The following ODAD2 variants were observed in gnomAD, a reference collection of about 807,000 sequenced individuals.
ODAD2 encodes the protein outer dynein arm-docking complex subunit 2.
A neutral mutation model predicts 106.8 loss-of-function variants in ODAD2; 89 were observed. The ratio of observed to expected loss-of-function variants is 0.83; its 90% CI spans 0.70 to 0.99. The LOEUF is 0.99. ODAD2 is among the 50% of genes least tolerant of loss of function. ODAD2 has a pLI of 0.00. For synonymous variants in ODAD2, 404 were observed against 436.2 expected, an observed-to-expected ratio of 0.93 and a Z score of 0.92; for missense variants, 1,168 against 1,238.5, an observed-to-expected ratio of 0.94 and a Z score of 0.85.
chr10:27,829,766 C>A (rs1374408659), intron 19 of ODAD2, among the ~76,000 whole-genome samples: 1 of 152,050 alleles, frequency 6.6e-6, no homozygotes, highest in Non-Finnish European at 1.5e-5. Context: ...TATATAAGAA[C>A]TTCACATTTC....
At chr10:27,961,356 G>T (rs1278032350) in intron 10 of ODAD2, among the ~76,000 whole-genome samples, 1 of 152,178 alleles carries the variant, frequency 6.6e-6, no homozygotes. Flanking sequence ...GGGAGAGAGG[G>T]TTGGTACCAG....
intron 4 of ODAD2, among the ~76,000 whole-genome samples, chr10:27,984,717 T>C (rs1475895636): frequency 6.6e-6 from 1 of 152,164 alleles, no homozygotes. Flanking sequence ...CAATTTTTAA[T>C]TTTTAGAACT....
intron 9 of ODAD2, among the ~76,000 whole-genome samples, chr10:27,964,235 A>G (rs1490506560): frequency 6.6e-6 from 1 of 152,186 alleles, no homozygotes; most frequent in Admixed American, 6.6e-5. Context: ...AATAATAATA[A>G]CAATTTGAAC....
At chr10:27,981,354 A>C in intron 7 of ODAD2, 112 bp downstream of exon 7, 1 of 981,372 alleles carries the variant, frequency 1.0e-6, no homozygotes, top group Non-Finnish European at 1.4e-6. Context: ...AAAAACCACT[A>C]ATAATAAAAA....
intron 15 of ODAD2, among the ~76,000 whole-genome samples, chr10:27,936,424 G>A (rs971540874): frequency 5.3e-5 from 8 of 152,126 alleles, no homozygotes; most frequent in African/African-American, 1.7e-4. Context: ...CACCTTGATA[G>A]GTCCCCACAG....
intron 7 of ODAD2, among the ~76,000 whole-genome samples, chr10:27,977,519 A>C (rs1425110325): frequency 3.9e-5 from 6 of 152,050 alleles, no homozygotes; most frequent in Non-Finnish European, 7.4e-5. Flanking sequence ...ACGAGCCAAG[A>C]TCGATCATGC....
intron 9 of ODAD2, among the ~76,000 whole-genome samples, chr10:27,964,037 T>C (rs529087744): frequency 2.1e-4 from 32 of 152,176 alleles, no homozygotes; most frequent in South Asian, 4.2e-4. Context: ...GCCTAGCCAA[T>C]ATGGTGAAAC....
chr10:27,874,464 T>C (rs1841163770), intron 17 of ODAD2, among the ~76,000 whole-genome samples: 1 of 152,278 alleles, frequency 6.6e-6, no homozygotes, highest in African/African-American at 2.4e-5. Flanking sequence ...GGTCTTTACA[T>C]TTTGGCATGT....
At chr10:27,882,173 A>AAAAAAAG (rs1244028116) in intron 17 of ODAD2, among the ~76,000 whole-genome samples, 1 of 109,682 alleles carries the variant, frequency 9.1e-6, no homozygotes, top group African/African-American at 3.5e-5. Context: ...GTCATAAAAA[A>AAAAAAAG]AAAGAAAGAA....
At chr10:27,868,329 G>A (rs138088474) in intron 17 of ODAD2, among the ~76,000 whole-genome samples, 1,999 of 152,174 alleles carry the variant, frequency 0.013, 42 homozygotes, top group African/African-American at 0.045. Context: ...CATTACTTGG[G>A]TATATACCCA....
chr10:27,916,077 C>T (rs769547371), intron 16 of ODAD2, among the ~76,000 whole-genome samples: 16 of 152,090 alleles, frequency 1.1e-4, no homozygotes, highest in Non-Finnish European at 7.4e-5. Flanking sequence ...TGCAACCCAA[C>T]GCGGGAAGTC....
Position 27,983,887 on chromosome 10 carries a change from T to C in ODAD2, c.775A>G (p.Thr259Ala). 2 of 1,612,664 alleles carry C rather than the reference T, an allele frequency of 1.2e-6. No individual in the cohort carries two copies. Among genetic ancestry groups the C allele is most frequent in the Non-Finnish European group, 1.7e-6 (2 of 1,179,640 alleles). Residue 259 changes from threonine to alanine, a missense_variant, in exon 6 of 20, where the codon ACT becomes GCT. By Grantham distance (58) the Thr-to-Ala change is moderately conservative. Around this residue, in one of 3 missense-constraint regions of ODAD2, gnomAD observed 430 missense variants for 452.2 expected, o/e 0.95. Coordinates refer to ENST00000305242, the MANE Select transcript of ODAD2 (RefSeq NM_018076.5). The part of the protein sequence containing the change: ...YVLVKPHDGE[T>A]LCITCSAGGV... ...CCTGCACTGCAAGTAATGCACAGAGTCTCACCATCGTGAGGTTTCACCAGC... is the reference window on the plus strand; with the variant it reads ...CCTGCACTGCAAGTAATGCACAGAGCCTCACCATCGTGAGGTTTCACCAGC...
intron 19 of ODAD2, among the ~76,000 whole-genome samples, chr10:27,852,916 G>GTTGT: frequency 6.9e-6 from 1 of 144,502 alleles, no homozygotes; most frequent in Non-Finnish European, 1.5e-5. Context: ...AGCTGAGATC[G>GTTGT]CGCCGTTGCA....
At chr10:27,851,415 T>C (rs1033659590) in intron 19 of ODAD2, among the ~76,000 whole-genome samples, 2 of 151,970 alleles carry the variant, frequency 1.3e-5, no homozygotes, top group Non-Finnish European at 2.9e-5. Flanking sequence ...ATTCAAGGAA[T>C]TGAAAGCAAC....
At chr10:27,981,093 T>G (rs1849513554) in intron 7 of ODAD2, among the ~76,000 whole-genome samples, 1 of 152,094 alleles carries the variant, frequency 6.6e-6, no homozygotes, top group African/African-American at 2.4e-5. Context: ...TATTATATCA[T>G]TCCAGTGACA....
chr10:27,964,390 C>A (rs527977651), intron 9 of ODAD2, among the ~76,000 whole-genome samples: 5 of 152,138 alleles, frequency 3.3e-5, no homozygotes, highest in African/African-American at 1.2e-4. Context: ...ATGATAATAG[C>A]AATTAGTATG....
intron 17 of ODAD2, among the ~76,000 whole-genome samples, chr10:27,885,525 A>ATAT (rs1288666186): frequency 1.5e-4 from 3 of 19,852 alleles, no homozygotes; most frequent in Admixed American, 2.2e-3. Flanking sequence ...AAAAAAAAAA[A>ATAT]AAAAAAAAAT....
intron 19 of ODAD2, among the ~76,000 whole-genome samples, chr10:27,834,341 C>T (rs538596496): frequency 6.6e-6 from 1 of 152,266 alleles, no homozygotes; most frequent in Non-Finnish European, 1.5e-5. Flanking sequence ...AGGCGCTATC[C>T]CTTGGCCTTC....
At position 27,915,819 on chromosome 10, in the gene ODAD2, T is replaced by C. The variant is rs534523480; in HGVS notation, c.2496-8042A>G. ...AACCATTGTGTGTGGCAGAACAAAG[T>C]AGTCATCCATGATATTGCCAGAAAG... On this transcript the variant is annotated intron_variant, in intron 16 of 19. Transcript: ENST00000305242. 1.4e-4 allele frequency among the ~76,000 whole-genome samples: 22 copies of C among 152,198 alleles called. No individual in the cohort carries two copies. The South Asian group carries it at 3.7e-3, about 26-fold the overall frequency.
Sources: gnomAD v4.1 joint callset for allele counts (sites outside exome capture counted in the v4.1 genomes callset) on GRCh38, gnomAD v4.1.1 for gene constraint, gnomAD v4.1.1 regional missense constraint, MANE v1.5 for transcripts, NCBI Gene and HGNC (gene_info 2026-07-23, HGNC 2026-07-21) for gene names.